KCNH8: variants seen among roughly 807,000 people sequenced by gnomAD.
KCNH8 encodes the protein potassium voltage-gated channel subfamily H member 8, also known as voltage-gated delayed rectifier potassium channel KCNH8.
KCNH8 carries 70 observed loss-of-function variants against 103.6 expected under a neutral mutation model. The observed-to-expected ratio is 0.68, with a 90% confidence interval of 0.56 to 0.82. The LOEUF is 0.82. Among genes scored for constraint, KCNH8 ranks in the 40% least tolerant of loss-of-function variants. The pLI, the probability that KCNH8 is intolerant of heterozygous loss-of-function variation, is 0.00. For synonymous variants in KCNH8, 498 were observed against 489.4 expected (o/e 1.02, Z -0.23); for missense variants, 1,217 against 1,329.9 (o/e 0.92, Z 1.32).
Position 19,450,234 on chromosome 3 carries a change from C to T in KCNH8, c.1504C>T (p.Gln502Ter). ...DFIRVHHLPQ[Q>*]LKQRMLEYFQ... ...CATCCGTGTCCATCACTTGCCCCAA[C>T]AACTCAAGCAGAGGATGCTCGAATA... Residue 502 changes from glutamine (Q) to a stop codon, truncating the protein, a stop_gained, in exon 9 of 16, where the codon CAA (glutamine) becomes TAA (stop). Transcript: ENST00000328405. LOFTEE classifies it high-confidence loss of function. The T allele has an allele frequency of 6.2e-7, 1 of 1,613,626 alleles. No individual in the cohort carries two copies. The highest frequency in any genetic ancestry group is 8.5e-7 in the Non-Finnish European group (1 of 1,179,758).
At chr3:19,384,088 TATATA>T (rs1211719788) in intron 5 of KCNH8, among the ~76,000 whole-genome samples, 5 of 152,214 alleles carry the variant, frequency 3.3e-5, no homozygotes, top group Admixed American at 3.3e-4. Flanking sequence ...ATGGTAAACT[TATATA>T]ATAAAATAAA....
rs878856110 is a variant in KCNH8 at position 19,535,085 on chromosome 3, A to G, written c.*986A>G. 1 of 152,180 alleles carries G rather than the reference A, an allele frequency of 6.6e-6. No individual in the cohort carries two copies. The highest frequency in any genetic ancestry group is 1.5e-5 in the Non-Finnish European group (1 of 68,042). The allele number at this position is 152,180 out of a possible 1,614,324, so 9.4% of individuals were successfully genotyped here. ...GTGCCAGCAGAAATGTCTCTCCTCT[A>G]GGTATCGTATTTTGTTGCTCAAGAA... is the stretch of plus-strand genomic sequence containing the variant. On this transcript the variant is annotated 3_prime_UTR_variant, in exon 16 of 16. Coordinates refer to ENST00000328405, the MANE Select transcript of KCNH8 (RefSeq NM_144633.3).
chr3:19,332,392 ATCAAT>A (rs1483502939), intron 3 of KCNH8, among the ~76,000 whole-genome samples: 2 of 152,118 alleles, frequency 1.3e-5, no homozygotes, highest in East Asian at 3.9e-4. Context: ...TGCCCTGGAG[ATCAAT>A]TCAAGTTGCT....
intron 1 of KCNH8, among the ~76,000 whole-genome samples, chr3:19,239,096 G>C (rs185289125): frequency 1.4e-4 from 21 of 152,292 alleles, no homozygotes. Flanking sequence ...TTTCAGTTAG[G>C]AATGCTTTCA....
At chr3:19,182,115 G>A (rs2063459010) in intron 1 of KCNH8, among the ~76,000 whole-genome samples, 1 of 152,104 alleles carries the variant, frequency 6.6e-6, no homozygotes. Context: ...ATTGTAAATA[G>A]AGGCCATATA....
At chr3:19,341,995 A>C (rs2065666440) in intron 3 of KCNH8, among the ~76,000 whole-genome samples, 1 of 152,150 alleles carries the variant, frequency 6.6e-6, no homozygotes, top group Non-Finnish European at 1.5e-5. Flanking sequence ...TTTGACAAAA[A>C]ATCTTAGATA....
chr3:19,497,423 C>G (rs2068466943), intron 11 of KCNH8, among the ~76,000 whole-genome samples: 1 of 152,106 alleles, frequency 6.6e-6, no homozygotes, highest in Admixed American at 6.5e-5. Context: ...AGCTGTGTCC[C>G]AAAGATTCTG....
At chr3:19,239,391 T>C (rs1559437447) in intron 1 of KCNH8, among the ~76,000 whole-genome samples, 1 of 152,154 alleles carries the variant, frequency 6.6e-6, no homozygotes, top group Admixed American at 6.6e-5. Flanking sequence ...GGTGAGAACA[T>C]TTCTCTTCTC....
chr3:19,534,642 T>A lies in KCNH8; in HGVS notation c.*543T>A, dbSNP rs1361256833. On this transcript the variant is annotated 3_prime_UTR_variant, in exon 16 of 16. Coordinates refer to ENST00000328405, the MANE Select transcript of KCNH8 (RefSeq NM_144633.3). ...TTAGCTATTCGCACGTTATTTGCCA[T>A]GTAAATGAAAACGTCTTTATTTATC... The A allele has an allele frequency of 6.5e-6, 1 of 152,832 alleles. No homozygotes were observed. The highest frequency in any genetic ancestry group is 2.4e-5 in the African/African-American group (1 of 41,454). 9.5% of individuals were successfully genotyped at this position (152,832 alleles called of 1,614,324 possible). A position where few individuals can be genotyped will look rare whatever the true frequency, so the allele number is the denominator to read the frequency against.
intron 5 of KCNH8, among the ~76,000 whole-genome samples, chr3:19,351,390 C>CAA (rs2065799953): frequency 2.0e-5 from 3 of 152,090 alleles, no homozygotes; most frequent in Non-Finnish European, 4.4e-5. Flanking sequence ...GAGAATGCCA[C>CAA]AGACGTACAC....
chr3:19,317,551 G>A (rs2065289400), intron 3 of KCNH8, among the ~76,000 whole-genome samples: 1 of 151,752 alleles, frequency 6.6e-6, no homozygotes, highest in Non-Finnish European at 1.5e-5. Flanking sequence ...TCTTTAAAAT[G>A]GGCCAGTGTC....
chr3:19,209,825 A>T (rs1559423862), intron 1 of KCNH8, among the ~76,000 whole-genome samples: 1 of 152,106 alleles, frequency 6.6e-6, no homozygotes, highest in Non-Finnish European at 1.5e-5. Context: ...AAGATCTGGC[A>T]GGACGATTCC....
intron 1 of KCNH8, among the ~76,000 whole-genome samples, chr3:19,222,581 C>T (rs1036823747): frequency 6.6e-6 from 1 of 152,074 alleles, no homozygotes; most frequent in Non-Finnish European, 1.5e-5. Context: ...TAGAAGATAT[C>T]AGTAAAGCTT....
intron 15 of KCNH8, among the ~76,000 whole-genome samples, chr3:19,530,927 G>A (rs2069149422): frequency 6.6e-6 from 1 of 152,142 alleles, no homozygotes; most frequent in Non-Finnish European, 1.5e-5. Context: ...TTTACAAGTT[G>A]AGAAATGATA....
chr3:19,377,268 G>A (rs1392872415), intron 5 of KCNH8, among the ~76,000 whole-genome samples: 2 of 152,186 alleles, frequency 1.3e-5, no homozygotes, highest in African/African-American at 4.8e-5. Flanking sequence ...CTGCTGTACA[G>A]GATCCACATC....
chr3:19,224,943 G>C (rs764433391), intron 1 of KCNH8, among the ~76,000 whole-genome samples: 75 of 152,170 alleles, frequency 4.9e-4, no homozygotes, highest in Admixed American at 5.9e-4. Flanking sequence ...GCAAATGCTA[G>C]AATGAAGTAA....
intron 15 of KCNH8, among the ~76,000 whole-genome samples, chr3:19,525,120 C>T (rs890330412): frequency 1.3e-5 from 2 of 151,740 alleles, no homozygotes; most frequent in Non-Finnish European, 2.9e-5. Context: ...AACAGATATG[C>T]TAATAAGCTC....
At chr3:19,217,730 A>G (rs76499270) in intron 1 of KCNH8, among the ~76,000 whole-genome samples, 6,110 of 152,284 alleles carry the variant, frequency 0.04, 427 homozygotes, top group African/African-American at 0.14. Context: ...CTGTACTTAC[A>G]GGTATCAGGC....
Position 19,253,991 on chromosome 3 carries a change from C to T in KCNH8, c.310+104C>T, listed in dbSNP as rs866577606. The T allele has an allele frequency of 6.3e-5, 47 of 742,470 alleles. No homozygotes were observed. The Middle Eastern group carries it at 4.8e-3, about 75-fold the overall frequency. The allele number at this position is 742,470 out of a possible 1,614,324, so 46.0% of individuals were successfully genotyped here. ...CCCATTAAGGCTTAATGGCATTTCA[C>T]ATACATGCAGGCTGTTACAGAAGTT... is the stretch of plus-strand genomic sequence containing the variant. On this transcript the variant is annotated intron_variant, in intron 2 of 15. Transcript: ENST00000328405.
Sources: gnomAD v4.1 joint callset for allele counts (sites outside exome capture counted in the v4.1 genomes callset) on GRCh38, gnomAD v4.1.1 for gene constraint, MANE v1.5 for transcripts, NCBI Gene and HGNC (gene_info 2026-07-23, HGNC 2026-07-21) for gene names.